MKNK2: variants seen among roughly 807,000 people sequenced by gnomAD.
MKNK2 encodes the protein MAP kinase-interacting serine/threonine-protein kinase 2.
Under a neutral mutation model 55.0 loss-of-function variants are expected in MKNK2, and 54 were observed. The observed-to-expected ratio is 0.98, with a 90% CI of 0.79 to 1.23. MKNK2 has a LOEUF of 1.23. MKNK2 is among the 50% of genes most tolerant of loss of function. The pLI is 0.00. For synonymous variants in MKNK2, 323 were observed against 256.0 expected (o/e 1.26, Z -2.50); for missense variants, 685 against 632.1 (o/e 1.08, Z -0.90).
rs181808315 is a variant in MKNK2 at position 2,037,960 on chromosome 19, T to C, written c.*1653A>G. 2.0e-3 allele frequency: 2,740 copies of C among 1,368,526 alleles called. 3 individuals are homozygous for C. Among genetic ancestry groups the C allele is most frequent in the Admixed American group, 3.1e-3 (106 of 34,614 alleles). 84.8% of individuals were successfully genotyped at this position (1,368,526 alleles called of 1,614,324 possible). Reference sequence around the variant, plus strand: ...TTCTTTGATACAAAAAGGCAGAGAATCCCCCGTTACGAAACATGGAATCAC... The same window carrying C: ...TTCTTTGATACAAAAAGGCAGAGAACCCCCCGTTACGAAACATGGAATCAC... On this transcript the variant is annotated 3_prime_UTR_variant, in exon 14 of 14. Coordinates refer to ENST00000250896, the MANE Select transcript of MKNK2 (RefSeq NM_199054.3).
chr19:2,038,875 TG>T lies in MKNK2; in HGVS notation c.*737del. 1 of 985,596 alleles carries T rather than the reference TG, an allele frequency of 1.0e-6. No homozygotes were observed. Among genetic ancestry groups the T allele is most frequent in the Non-Finnish European group, 1.2e-6 (1 of 829,912 alleles). The allele number at this position is 985,596 out of a possible 1,614,324, so 61.1% of individuals were successfully genotyped here. ...GAGGGGAGGGGCAGCGGCGAGCCCC[TG>T]GGGTCAGCTGCAGTTTAAGGTCAAG... On this transcript the variant is annotated 3_prime_UTR_variant, in exon 14 of 14. Coordinates refer to ENST00000250896, the MANE Select transcript of MKNK2 (RefSeq NM_199054.3).
intron 2 of MKNK2, among the ~76,000 whole-genome samples, chr19:2,047,041 C>CCTCCT (rs1239305908): frequency 1.3e-5 from 2 of 152,220 alleles, no homozygotes. Context: ...CTCAAGCGAT[C>CCTCCT]CTCCTGCCTT....
chr19:2,046,572 C>T, intron 3 of MKNK2, 32 bp downstream of exon 3: 2 of 1,555,402 alleles, frequency 1.3e-6, no homozygotes, highest in Non-Finnish European at 1.7e-6. Context: ...ACAGCAGCTG[C>T]CCTGTGCCCT....
Position 2,046,447 on chromosome 19 carries a change from A to G in MKNK2, c.161T>C (p.Ile54Thr). The change falls in exon 4 of 14, where the codon ATT becomes ACT. Residue 54 changes from isoleucine (I) to threonine (T), a missense_variant. Ile to Thr is a moderately conservative substitution (Grantham distance 89, BLOSUM62 -1). Transcript: ENST00000250896. ...CCTCTTCTTGGCGTCCGGGATGTCA[A>G]TGGGCTGGCTGGCGGGCATGTCTGT... The part of the protein sequence containing the change: ...ARPDMPASQP[I>T]DIPDAKKRGK... 6.2e-7 allele frequency: 1 copy of G among 1,609,288 alleles called. No individual in the cohort carries two copies. Among genetic ancestry groups the G allele is most frequent in the Non-Finnish European group, 8.5e-7 (1 of 1,179,714 alleles).
intron 5 of MKNK2, 102 bp from the exon 6 acceptor site, chr19:2,043,684 C>T (rs1391086399): frequency 1.9e-5 from 20 of 1,031,488 alleles, no homozygotes; most frequent in African/African-American, 6.3e-5. Flanking sequence ...CCACACTTAA[C>T]GCCCTGCAAC....
intron 5 of MKNK2, 104 bp from the exon 6 acceptor site, chr19:2,043,686 C>T (rs1437099611): frequency 9.7e-7 from 1 of 1,027,676 alleles, no homozygotes; most frequent in African/African-American, 1.6e-5. Flanking sequence ...ACACTTAACG[C>T]CCTGCAACTC....
chr19:2,038,038 C>G lies in MKNK2; in HGVS notation c.*1575G>C, dbSNP rs1212881378. 4.6e-6 allele frequency: 6 copies of G among 1,290,956 alleles called. No homozygotes were observed. The highest frequency in any genetic ancestry group is 3.0e-5 in the African/African-American group (2 of 66,556). 80.0% of individuals were successfully genotyped at this position (1,290,956 alleles called of 1,614,324 possible). ...GGGTGGGCGGAATGCCCCACCCCCC[C>G]CAGGGGTCTTTGGAAGGGGCAGTCC... On this transcript the variant is annotated 3_prime_UTR_variant, in exon 14 of 14. Coordinates refer to ENST00000250896, the MANE Select transcript of MKNK2 (RefSeq NM_199054.3).
chr19:2,037,688 C>G lies in MKNK2; in HGVS notation c.*1925G>C. ...CGTAACATTAACACATGGCCGTTCA[C>G]CGTCCCCCAGCGATGGGAGCTGGCC... is the stretch of plus-strand genomic sequence containing the variant. On this transcript the variant is annotated 3_prime_UTR_variant, in exon 14 of 14. Transcript: ENST00000250896. 1 of 1,299,968 alleles carries G rather than the reference C, an allele frequency of 7.7e-7. No individual in the cohort carries two copies. The highest frequency in any genetic ancestry group is 1.0e-6 in the Non-Finnish European group (1 of 955,872). The allele number at this position is 1,299,968 out of a possible 1,614,324, so 80.5% of individuals were successfully genotyped here.
intron 2 of MKNK2, among the ~76,000 whole-genome samples, chr19:2,047,591 G>A (rs1038952086): frequency 9.9e-5 from 15 of 152,098 alleles, no homozygotes; most frequent in Non-Finnish European, 2.1e-4. Context: ...CAGTGGGAAG[G>A]AGGTGAGTCA....
Position 2,042,766 on chromosome 19 carries a change from CTT to C in MKNK2, c.596_597del (p.Lys199ArgfsTer15). 1 of 1,572,228 alleles carries C rather than the reference CTT, an allele frequency of 6.4e-7. No homozygotes were observed. The highest frequency in any genetic ancestry group is 8.6e-7 in the Non-Finnish European group (1 of 1,156,938). ...GACTCCGGGCGGGGTCACCACCTACCTTTGTTATGCAGAAAGTCCAAGGCGCT... is the reference window on the plus strand; with the variant it reads ...GACTCCGGGCGGGGTCACCACCTACCTGTTATGCAGAAAGTCCAAGGCGCT... ...VASALDFLHN[K>X]GIAHRDLKPE... On this transcript the variant is annotated frameshift_variant and splice_region_variant, in exon 8 of 14. Coordinates refer to ENST00000250896, the MANE Select transcript of MKNK2 (RefSeq NM_199054.3). LOFTEE classifies it high-confidence loss of function.
intron 12 of MKNK2, 66 bp from the exon 13 acceptor site, chr19:2,040,243 G>A: frequency 7.3e-7 from 1 of 1,377,412 alleles, no homozygotes. Flanking sequence ...GCTGGGTGGG[G>A]TGTCTGGCCA....
At chr19:2,046,346 A>C (rs375925208) in intron 4 of MKNK2, 21 bp downstream of exon 4, 2 of 1,604,912 alleles carry the variant, frequency 1.2e-6, no homozygotes, top group Non-Finnish European at 1.7e-6. Context: ...GGCTCCCCCA[A>C]TGCCCGCCAT....
chr19:2,043,718 G>A, intron 5 of MKNK2, 136 bp from the exon 6 acceptor site: 1 of 801,936 alleles, frequency 1.2e-6, no homozygotes, highest in South Asian at 1.5e-5. Flanking sequence ...GCTCACGCCT[G>A]TCATCCCAGC....
Position 2,041,999 on chromosome 19 carries a change from C to CA in MKNK2, c.785dup (p.Glu263GlyfsTer8). The stretch of plus-strand genomic sequence containing the variant: ...TGCTAGCCTCCTCGCTGAAGGCCTC[C>CA]ACTACCTCCGGGGCCATGTACTCCG... On this transcript the variant is annotated frameshift_variant, in exon 11 of 14. Transcript: ENST00000250896. LOFTEE classifies it high-confidence loss of function. The CA allele has an allele frequency of 6.4e-7, 1 of 1,552,432 alleles. No individual in the cohort carries two copies. Among genetic ancestry groups the CA allele is most frequent in the Non-Finnish European group, 8.7e-7 (1 of 1,149,714 alleles).
rs545986392 is a variant in MKNK2, at chr19:2,042,090, G to C, written c.751-56C>G. The C allele has an allele frequency of 1.9e-4, 264 of 1,399,262 alleles. 1 individual carries two copies. The African/African-American group carries it at 3.3e-3, about 17-fold the overall frequency. The allele number at this position is 1,399,262 out of a possible 1,614,324, so 86.7% of individuals were successfully genotyped here. On this transcript the variant is annotated intron_variant, in intron 10 of 13. Transcript: ENST00000250896. ...GGTTTCCCAGCATTACGTGGGAACC[G>C]AGCCCGGGTAACTGCGGGTCACCTG...
chr19:2,046,510 T>TGGCC (rs1568239205), intron 3 of MKNK2, 42 bp from the exon 4 acceptor site: 1 of 1,575,576 alleles, frequency 6.3e-7, no homozygotes, highest in Non-Finnish European at 8.6e-7. Flanking sequence ...GACATGGCCC[T>TGGCC]GGCCGGCCGG....
intron 2 of MKNK2, among the ~76,000 whole-genome samples, chr19:2,049,696 G>A (rs889602574): frequency 6.6e-6 from 1 of 152,206 alleles, no homozygotes; most frequent in Admixed American, 6.5e-5. Context: ...GGCCCTAGGA[G>A]GGAGAAGACC....
intron 2 of MKNK2, among the ~76,000 whole-genome samples, chr19:2,047,293 C>T (rs951295604): frequency 6.6e-6 from 1 of 152,180 alleles, no homozygotes; most frequent in Non-Finnish European, 1.5e-5. Flanking sequence ...TGCTGCTCAG[C>T]ACCCTGCAGT....
intron 12 of MKNK2, 146 bp downstream of exon 12, chr19:2,040,894 C>T (rs1257619598): frequency 4.9e-6 from 4 of 817,132 alleles, no homozygotes; most frequent in Admixed American, 2.6e-5. Context: ...CGGCTGCACC[C>T]CTCATCCCAG....
Sources: gnomAD v4.1 joint callset for allele counts (sites outside exome capture counted in the v4.1 genomes callset) on GRCh38, gnomAD v4.1.1 for gene constraint, MANE v1.5 for transcripts, NCBI Gene and HGNC (gene_info 2026-07-23, HGNC 2026-07-21) for gene names.